CACNA1B: variants seen among roughly 807,000 people sequenced by gnomAD.
CACNA1B encodes voltage-dependent N-type calcium channel subunit alpha-1B.
CACNA1B carries 70 observed loss-of-function variants against 247.2 expected under a neutral mutation model. That is an observed-to-expected ratio of 0.28 (90% CI 0.23 to 0.35). CACNA1B has a LOEUF of 0.35. Among genes scored for constraint, CACNA1B ranks in the 10% least tolerant of loss-of-function variants. The pLI, the probability that CACNA1B is intolerant of heterozygous loss-of-function variation, is 1.00. For missense variants in CACNA1B, 2,367 were observed against 3,197.4 expected, an observed-to-expected ratio of 0.74 and a Z score of 6.26; for synonymous variants, 1,231 against 1,294.4, an observed-to-expected ratio of 0.95 and a Z score of 1.05.
In CACNA1B at chr9:138,010,396, G is replaced by A. The variant is rs1213192049; in HGVS notation, c.2160+319G>A. Among the ~76,000 whole-genome samples the A allele has an allele frequency of 2.0e-5, 3 of 152,226 alleles. No individual in the cohort carries two copies. The highest frequency in any genetic ancestry group is 2.1e-4 in the South Asian group (1 of 4,834). ...CTGGTGGCCCTATCCCAGCACAGCTGTGCCACAGTGGGACAGCTGCTGCTT... is the reference window on the plus strand; with the variant it reads ...CTGGTGGCCCTATCCCAGCACAGCTATGCCACAGTGGGACAGCTGCTGCTT... On this transcript the variant is annotated intron_variant, in intron 17 of 46. Transcript: ENST00000371372. The surrounding 1 kb of genome is among the most constrained non-coding windows in gnomAD (Gnocchi z 5.3).
chr9:138,043,644 G>A, intron 20 of CACNA1B, 130 bp from the exon 21 acceptor site: 1 of 950,638 alleles, frequency 1.1e-6, no homozygotes, highest in Non-Finnish European at 1.6e-6. Flanking sequence ...GTTCTTAGCT[G>A]CTTGCCCATC....
At chr9:138,093,761 AT>A (rs529065284) in intron 36 of CACNA1B, among the ~76,000 whole-genome samples, 6 of 152,198 alleles carry the variant, frequency 3.9e-5, no homozygotes, top group South Asian at 4.1e-4. Context: ...TAATAAATTA[AT>A]TAAATTAATT....
At chr9:138,114,764 T>TGGTTGTTATGG (rs1307351224) in intron 41 of CACNA1B, among the ~76,000 whole-genome samples, 17 of 152,194 alleles carry the variant, frequency 1.1e-4, no homozygotes, top group African/African-American at 3.6e-4. Context: ...GGCAGTGTCA[T>TGGTTGTTATGG]GGTTGTTATG....
chr9:137,882,957 G>A lies in CACNA1B; in HGVS notation c.530+74G>A. The A allele has an allele frequency of 3.3e-6, 5 of 1,498,904 alleles. No homozygotes were observed. Among genetic ancestry groups the A allele is most frequent in the Non-Finnish European group, 4.6e-6 (5 of 1,084,628 alleles). 92.9% of individuals were successfully genotyped at this position (1,498,904 alleles called of 1,614,324 possible). On this transcript the variant is annotated intron_variant, in intron 3 of 46. Transcript: ENST00000371372. This position sits in a 1 kb window ranked among gnomAD's most constrained non-coding sequence, Gnocchi z 4.0. The stretch of plus-strand genomic sequence containing the variant: ...GCTCTCTGAAGCTCAGTTGCGCCGT[G>A]GAGCTGGGGCAGCTGCAGTCCCCTC...
At chr9:137,961,864 GT>G (rs1341052814) in intron 10 of CACNA1B, among the ~76,000 whole-genome samples, 1 of 152,176 alleles carries the variant, frequency 6.6e-6, no homozygotes, top group Non-Finnish European at 1.5e-5. Context: ...TATCTGTCAG[GT>G]TTTGGTATGA....
chr9:138,046,349 C>G (rs1959185736), intron 21 of CACNA1B, among the ~76,000 whole-genome samples: 1 of 152,224 alleles, frequency 6.6e-6, no homozygotes. Flanking sequence ...GGAGCGTGTT[C>G]ACATGCACCC....
At chr9:137,896,934 G>A (rs1263439219) in intron 3 of CACNA1B, among the ~76,000 whole-genome samples, 1 of 152,114 alleles carries the variant, frequency 6.6e-6, no homozygotes, top group African/African-American at 2.4e-5. Flanking sequence ...TTCCCTCATT[G>A]TCCTTTTGAT....
At chr9:137,908,509 C>T (rs941857513) in intron 3 of CACNA1B, among the ~76,000 whole-genome samples, 1 of 151,930 alleles carries the variant, frequency 6.6e-6, no homozygotes, top group Non-Finnish European at 1.5e-5. Flanking sequence ...GAGTGAGACT[C>T]CGTCTCAAAA....
chr9:138,068,496 T>C, intron 31 of CACNA1B: 1 of 463,656 alleles, frequency 2.2e-6, no homozygotes, highest in Non-Finnish European at 4.3e-6. Context: ...GTGTTGTGTT[T>C]CCCAGTGGCT....
intron 36 of CACNA1B, among the ~76,000 whole-genome samples, chr9:138,087,384 C>CAAAAAAAAAAAAAAAAAAAAAAA (rs58566171): frequency 5.7e-5 from 3 of 52,656 alleles, no homozygotes; most frequent in Non-Finnish European, 7.9e-5. Flanking sequence ...GACTCTGTCT[C>CAAAAAAAAAAAAAAAAAAAAAAA]AAAAAAAAAA....
At chr9:137,978,811 G>A (rs919942601) in intron 12 of CACNA1B, among the ~76,000 whole-genome samples, 1 of 152,200 alleles carries the variant, frequency 6.6e-6, no homozygotes, top group African/African-American at 2.4e-5. Flanking sequence ...AGAGGAGTCA[G>A]TGGGTGAGCC....
In CACNA1B at chr9:137,971,905, C is replaced by T. The variant is rs543028142; in HGVS notation, c.1543+313C>T. Among the ~76,000 whole-genome samples the T allele has an allele frequency of 6.6e-6, 1 of 151,982 alleles. No individual in the cohort carries two copies. The highest frequency in any genetic ancestry group is 2.1e-4 in the South Asian group (1 of 4,792). ...CCAGGGCAGGATATATGTGGGACGA[C>T]CAGGGGCGAGTCAGGCCAGGCAGAT... On this transcript the variant is annotated intron_variant, in intron 11 of 46. Coordinates refer to ENST00000371372, the MANE Select transcript of CACNA1B (RefSeq NM_000718.4). This position sits in a 1 kb window ranked among gnomAD's most constrained non-coding sequence, Gnocchi z 4.4.
At chr9:138,088,937 C>T (rs1415885817) in intron 36 of CACNA1B, among the ~76,000 whole-genome samples, 1 of 95,016 alleles carries the variant, frequency 1.1e-5, no homozygotes, top group Non-Finnish European at 2.1e-5. Flanking sequence ...CCAGCCTGGA[C>T]AACAAGAGCA....
At chr9:137,956,902 T>C in intron 9 of CACNA1B, 75 bp downstream of exon 9, 2 of 1,244,330 alleles carry the variant, frequency 1.6e-6, no homozygotes, top group Non-Finnish European at 2.4e-6. Context: ...CGTGCCTGCT[T>C]GCATGTTTCA....
intron 41 of CACNA1B, 128 bp downstream of exon 41, chr9:138,114,618 G>A (rs1368782986): frequency 1.6e-6 from 1 of 611,582 alleles, no homozygotes; most frequent in African/African-American, 1.8e-5. Flanking sequence ...GAAGATGAAA[G>A]ATTCTTGCAG....
At chr9:138,069,868 G>T in intron 32 of CACNA1B, 105 bp downstream of exon 32, 6 of 1,013,004 alleles carry the variant, frequency 5.9e-6, no homozygotes, top group Non-Finnish European at 9.3e-6. Flanking sequence ...CCCTCTAGGC[G>T]TGTGGTTGGA....
At chr9:138,022,632 G>A (rs550428222) in intron 18 of CACNA1B, among the ~76,000 whole-genome samples, 10 of 152,290 alleles carry the variant, frequency 6.6e-5, no homozygotes, top group African/African-American at 2.4e-4. Context: ...CATCCGTCCT[G>A]CCCTTTGTAA....
chr9:138,079,504 A>C (rs1442491703), intron 36 of CACNA1B, among the ~76,000 whole-genome samples: 1 of 152,096 alleles, frequency 6.6e-6, no homozygotes, highest in South Asian at 2.1e-4. Context: ...GCACTTTGGG[A>C]AGCCCAGGCG....
chr9:138,068,214 T>C (rs1386049276), intron 31 of CACNA1B, among the ~76,000 whole-genome samples: 1 of 152,088 alleles, frequency 6.6e-6, no homozygotes, highest in African/African-American at 2.4e-5. Flanking sequence ...CAAGCCATGA[T>C]TAACAAGAAG....
Sources: allele counts gnomAD v4.1 joint callset (sites outside exome capture counted in the v4.1 genomes callset), GRCh38; gene constraint gnomAD v4.1.1; non-coding constraint Gnocchi (gnomAD v3.1); transcripts MANE v1.5; gene names NCBI Gene and HGNC (gene_info 2026-07-23, HGNC 2026-07-21).